ZNF644: variants seen among roughly 807,000 people sequenced by gnomAD.
ZNF644 encodes the protein zinc finger motif enhancer binding protein 2.
Under a neutral mutation model 108.0 loss-of-function variants are expected in ZNF644, and 20 were observed. That is an observed-to-expected ratio of 0.19 (90% CI 0.13 to 0.27). The LOEUF is 0.27. ZNF644 is among the 10% of genes least tolerant of loss of function. The pLI is 1.00. For synonymous variants in ZNF644, 542 were observed against 539.1 expected, an observed-to-expected ratio of 1.01 and a Z score of -0.08; for missense variants, 1,338 against 1,548.9, an observed-to-expected ratio of 0.86 and a Z score of 2.29.
intron 4 of ZNF644, among the ~76,000 whole-genome samples, chr1:90,936,240 T>TC (rs1651301946): frequency 1.3e-5 from 2 of 152,108 alleles, no homozygotes; most frequent in Non-Finnish European, 2.9e-5. Flanking sequence ...CAATCCTCAC[T>TC]CCCCCAACAC....
chr1:91,005,423 T>G (rs1053690229), intron 1 of ZNF644, among the ~76,000 whole-genome samples: 1 of 152,128 alleles, frequency 6.6e-6, no homozygotes. Context: ...ATAGTATAGA[T>G]AGAAGATCAA....
At chr1:91,016,948 T>C (rs1347562323) in intron 1 of ZNF644, among the ~76,000 whole-genome samples, 2 of 152,194 alleles carry the variant, frequency 1.3e-5, no homozygotes, top group Non-Finnish European at 2.9e-5. Context: ...TTCTCCTGCC[T>C]CGGCCTCCCA....
chr1:90,998,120 G>A (rs778129880), intron 1 of ZNF644, among the ~76,000 whole-genome samples: 14 of 152,204 alleles, frequency 9.2e-5, no homozygotes, highest in Non-Finnish European at 2.1e-4. Flanking sequence ...ACCTCTTGGG[G>A]CAGGGCACAG....
At chr1:91,011,461 C>T (rs1385453297) in intron 1 of ZNF644, among the ~76,000 whole-genome samples, 1 of 152,110 alleles carries the variant, frequency 6.6e-6, no homozygotes, top group East Asian at 1.9e-4. Flanking sequence ...TTATAATACC[C>T]ATTTCAGAAA....
chr1:91,005,925 A>G (rs144351728), intron 1 of ZNF644, among the ~76,000 whole-genome samples: 4 of 152,070 alleles, frequency 2.6e-5, no homozygotes, highest in African/African-American at 7.2e-5. Flanking sequence ...GAAATAGAGA[A>G]CAGAAAAACA....
chr1:90,922,937 A>G (rs746928769), intron 4 of ZNF644, among the ~76,000 whole-genome samples: 3 of 152,174 alleles, frequency 2.0e-5, no homozygotes, highest in African/African-American at 4.8e-5. Flanking sequence ...GACTGCAAAT[A>G]TAATTTTCTT....
chr1:90,921,759 T>C (rs1649464564), intron 4 of ZNF644, among the ~76,000 whole-genome samples: 1 of 151,104 alleles, frequency 6.6e-6, no homozygotes, highest in Non-Finnish European at 1.5e-5. Context: ...AAATAGAATA[T>C]ACCTTTCAGT....
intron 1 of ZNF644, among the ~76,000 whole-genome samples, chr1:91,016,554 A>G (rs1438194487): frequency 6.6e-6 from 1 of 152,224 alleles, no homozygotes; most frequent in Non-Finnish European, 1.5e-5. Flanking sequence ...CAGTATTACA[A>G]TCTTATGGGA....
At chr1:90,953,857 A>G (rs1024422835) in intron 2 of ZNF644, among the ~76,000 whole-genome samples, 10 of 152,026 alleles carry the variant, frequency 6.6e-5, no homozygotes, top group African/African-American at 1.9e-4. Flanking sequence ...CAGAGGTTGC[A>G]GTGAGCTGAG....
At chr1:90,945,309 C>CTT (rs145216721) in intron 2 of ZNF644, among the ~76,000 whole-genome samples, 21,730 of 151,920 alleles carry the variant, frequency 0.14, 1,624 homozygotes, top group African/African-American at 0.18. Flanking sequence ...TTTTAAAAGT[C>CTT]TAAAAAATTC....
At chr1:90,950,331 AAAGAAAAG>A (rs1653006914) in intron 2 of ZNF644, among the ~76,000 whole-genome samples, 1 of 51,262 alleles carries the variant, frequency 2.0e-5, no homozygotes, top group Non-Finnish European at 4.4e-5. Flanking sequence ...AAACAAAAGA[AAAGAAAAG>A]AAAAGAAAAG....
intron 1 of ZNF644, among the ~76,000 whole-genome samples, chr1:91,000,252 A>G (rs1200579114): frequency 6.6e-6 from 1 of 152,204 alleles, no homozygotes; most frequent in Non-Finnish European, 1.5e-5. Flanking sequence ...TCAACACCAC[A>G]TCGCACTTAT....
At chr1:90,992,045 C>T (rs1657686131) in intron 1 of ZNF644, among the ~76,000 whole-genome samples, 1 of 151,820 alleles carries the variant, frequency 6.6e-6, no homozygotes, top group Non-Finnish European at 1.5e-5. Flanking sequence ...AAACTCCAAA[C>T]AAAAAGAGTA....
chr1:91,015,829 T>C (rs1189087727), intron 1 of ZNF644, among the ~76,000 whole-genome samples: 1 of 152,152 alleles, frequency 6.6e-6, no homozygotes, highest in Non-Finnish European at 1.5e-5. Flanking sequence ...CTCAAGTTAA[T>C]GTAGAAAGAA....
chr1:90,938,108 A>G lies in ZNF644; in HGVS notation c.3083-18T>C. ...CTCTATAGCTAGAAAAAAATTTTTAAGAGTAATATCAGACTTTCTTATATA... is the reference window on the plus strand; with the variant it reads ...CTCTATAGCTAGAAAAAAATTTTTAGGAGTAATATCAGACTTTCTTATATA... On this transcript the variant is annotated intron_variant, in intron 3 of 5. Transcript: ENST00000337393. The surrounding 1 kb of genome is among the most constrained non-coding windows in gnomAD (Gnocchi z 4.2). The G allele has an allele frequency of 6.2e-7, 1 of 1,610,664 alleles. No individual in the cohort carries two copies. Among genetic ancestry groups the G allele is most frequent in the Non-Finnish European group, 8.5e-7 (1 of 1,179,264 alleles).
At chr1:90,932,699 C>T (rs1425604647) in intron 4 of ZNF644, among the ~76,000 whole-genome samples, 1 of 151,606 alleles carries the variant, frequency 6.6e-6, no homozygotes, top group Non-Finnish European at 1.5e-5. Context: ...GTTAATAAAG[C>T]TTGAAAAAAA....
chr1:90,920,226 T>A (rs940497438), intron 4 of ZNF644, among the ~76,000 whole-genome samples: 4 of 151,998 alleles, frequency 2.6e-5, no homozygotes, highest in African/African-American at 7.2e-5. Flanking sequence ...AGATTACAGG[T>A]AGAATCTTAC....
At chr1:90,969,088 T>C (rs1655210684) in intron 2 of ZNF644, among the ~76,000 whole-genome samples, 1 of 152,318 alleles carries the variant, frequency 6.6e-6, no homozygotes, top group African/African-American at 2.4e-5. Context: ...AAATGCAATG[T>C]TACAGATTGA....
rs1455895921 is a variant in ZNF644 at position 90,938,110 on chromosome 1, A to G, written c.3083-20T>C. Reference sequence around the variant, plus strand: ...CTATAGCTAGAAAAAAATTTTTAAGAGTAATATCAGACTTTCTTATATAAA... The same window carrying G: ...CTATAGCTAGAAAAAAATTTTTAAGGGTAATATCAGACTTTCTTATATAAA... On this transcript the variant is annotated intron_variant, in intron 3 of 5. Coordinates refer to ENST00000337393, the MANE Select transcript of ZNF644 (RefSeq NM_201269.3). The surrounding 1 kb of genome is among the most constrained non-coding windows in gnomAD (Gnocchi z 4.2). The G allele has an allele frequency of 2.5e-6, 4 of 1,610,290 alleles. No homozygotes were observed. Among genetic ancestry groups the G allele is most frequent in the African/African-American group, 2.7e-5 (2 of 74,830 alleles).
Sources: gnomAD v4.1 joint callset for allele counts (sites outside exome capture counted in the v4.1 genomes callset) on GRCh38, gnomAD v4.1.1 for gene constraint, Gnocchi (gnomAD v3.1) non-coding constraint, MANE v1.5 for transcripts, NCBI Gene and HGNC (gene_info 2026-07-23, HGNC 2026-07-21) for gene names.